DIPK1A: variants seen among roughly 807,000 people sequenced by gnomAD.
DIPK1A encodes the protein divergent protein kinase domain 1A, also known as family with sequence similarity 69 member A.
DIPK1A carries 27 observed loss-of-function variants against 40.8 expected under a neutral mutation model. That is an observed-to-expected ratio of 0.66 (90% CI 0.49 to 0.91). The LOEUF (loss-of-function observed/expected upper bound fraction) is 0.91, where lower values mean the gene tolerates loss of function less well. DIPK1A is among the 40% of genes least tolerant of loss of function. The pLI, the probability that DIPK1A is intolerant of heterozygous loss-of-function variation, is 0.00. For missense variants in DIPK1A, 412 were observed against 505.7 expected, an observed-to-expected ratio of 0.81 and a Z score of 1.78; for synonymous variants, 166 against 171.3, an observed-to-expected ratio of 0.97 and a Z score of 0.24.
downstream of DIPK1A, among the ~76,000 whole-genome samples, chr1:92,839,957 C>A (rs931896788): frequency 6.6e-6 from 1 of 151,570 alleles, no homozygotes; most frequent in African/African-American, 2.4e-5. Flanking sequence ...TCTCCCACCT[C>A]AGCCTCTCGA....
intron 2 of DIPK1A, among the ~76,000 whole-genome samples, chr1:92,875,666 A>G (rs2811596): frequency 0.71 from 106,915 of 149,690 alleles, 38,964 homozygotes; most frequent in East Asian, 0.95. Flanking sequence ...GTAGGCTGAG[A>G]TTGTACCACT....
chr1:92,937,399 C>T (rs1468977057), intron 1 of DIPK1A, among the ~76,000 whole-genome samples: 1 of 152,202 alleles, frequency 6.6e-6, no homozygotes, highest in Non-Finnish European at 1.5e-5. Context: ...TTCACAGATA[C>T]TGCATGATAT....
chr1:92,867,849 C>T (rs1647633697), intron 2 of DIPK1A, among the ~76,000 whole-genome samples: 1 of 152,146 alleles, frequency 6.6e-6, no homozygotes, highest in South Asian at 2.1e-4. Context: ...TCCTCCCTAA[C>T]TCCTAAGCAA....
chr1:92,842,203 A>T lies in DIPK1A; in HGVS notation c.*1180T>A. Reference sequence around the variant, plus strand: ...TCCATTTATTATAACCAGATGATGAATGGGAAAAGTACCTTAAAGTAAACA... The same window carrying T: ...TCCATTTATTATAACCAGATGATGATTGGGAAAAGTACCTTAAAGTAAACA... On this transcript the variant is annotated 3_prime_UTR_variant, in exon 5 of 5. Coordinates refer to ENST00000370310, the MANE Select transcript of DIPK1A (RefSeq NM_001006605.5). 1 of 1,007,486 alleles carries T rather than the reference A, an allele frequency of 9.9e-7. No homozygotes were observed. The highest frequency in any genetic ancestry group is 1.2e-6 in the Non-Finnish European group (1 of 843,868). 62.4% of individuals were successfully genotyped at this position (1,007,486 alleles called of 1,614,324 possible).
At chr1:92,898,256 C>G (rs1215991356) in intron 1 of DIPK1A, among the ~76,000 whole-genome samples, 1 of 152,054 alleles carries the variant, frequency 6.6e-6, no homozygotes, top group East Asian at 1.9e-4. Context: ...TGACAGGGAG[C>G]CAGCCTGTCA....
chr1:92,937,344 C>T (rs1002584662), intron 1 of DIPK1A, among the ~76,000 whole-genome samples: 4 of 152,116 alleles, frequency 2.6e-5, no homozygotes, highest in African/African-American at 9.7e-5. Context: ...CTTCCTAGCA[C>T]ATTAACTGGT....
At chr1:92,947,766 G>C (rs1651431253) in intron 1 of DIPK1A, among the ~76,000 whole-genome samples, 2 of 152,188 alleles carry the variant, frequency 1.3e-5, no homozygotes, top group Non-Finnish European at 2.9e-5. Context: ...TGAGCCTGCA[G>C]GACAGTATGT....
intron 1 of DIPK1A, among the ~76,000 whole-genome samples, chr1:92,919,625 A>G (rs1222142736): frequency 6.6e-6 from 1 of 152,212 alleles, no homozygotes; most frequent in Admixed American, 6.5e-5. Context: ...TACTCTGAGT[A>G]TACTATGCTA....
chr1:92,906,070 T>C (rs1347425605), intron 1 of DIPK1A, among the ~76,000 whole-genome samples: 1 of 152,206 alleles, frequency 6.6e-6, no homozygotes, highest in Non-Finnish European at 1.5e-5. Context: ...TCCTTTAGTT[T>C]TGTTCTTTTT....
intron 2 of DIPK1A, among the ~76,000 whole-genome samples, chr1:92,860,397 G>T (rs984046840): frequency 6.6e-6 from 1 of 152,006 alleles, no homozygotes; most frequent in Non-Finnish European, 1.5e-5. Context: ...ATTTCTAGTG[G>T]CCTGATGCTA....
chr1:92,961,225 G>C, intron 1 of DIPK1A, 151 bp downstream of exon 1: 1 of 363,024 alleles, frequency 2.8e-6, no homozygotes. Context: ...TGGGGAGGGC[G>C]CGCCGCCAGG....
intron 1 of DIPK1A, among the ~76,000 whole-genome samples, chr1:92,898,218 C>T (rs1649264515): frequency 6.6e-6 from 1 of 151,684 alleles, no homozygotes; most frequent in Non-Finnish European, 1.5e-5. Context: ...TGATGAGGGC[C>T]TTCAGCAACT....
At chr1:92,906,694 T>A (rs933087691) in intron 1 of DIPK1A, among the ~76,000 whole-genome samples, 3 of 151,942 alleles carry the variant, frequency 2.0e-5, no homozygotes. Context: ...AAAGGCACAG[T>A]ATGTGGGGCC....
At chr1:92,836,490 A>G (rs1687134067) in intron 4 of DIPK1A, 12 of 1,082,054 alleles carry the variant, frequency 1.1e-5, no homozygotes, top group South Asian at 9.0e-5. Flanking sequence ...GTAGCTATCA[A>G]TTGAATGCCT....
At chr1:92,876,568 T>G (rs1648138011) in intron 1 of DIPK1A, 138 bp from the exon 2 acceptor site, 2 of 882,026 alleles carry the variant, frequency 2.3e-6, no homozygotes, top group Non-Finnish European at 3.4e-6. Flanking sequence ...TAGAACAAAG[T>G]GCACTTTCAC....
At chr1:92,890,068 A>C (rs1236298061) in intron 1 of DIPK1A, among the ~76,000 whole-genome samples, 1 of 151,862 alleles carries the variant, frequency 6.6e-6, no homozygotes, top group Non-Finnish European at 1.5e-5. Flanking sequence ...TTATTTATTT[A>C]TTGTAGTTAT....
chr1:92,947,025 C>A lies in DIPK1A; in HGVS notation c.54+14351G>T, dbSNP rs188543550. Among the ~76,000 whole-genome samples, 456 of 151,300 alleles carry A rather than the reference C, an allele frequency of 3.0e-3. 4 individuals carry two copies. The highest frequency in any genetic ancestry group is 0.01 in the African/African-American group (424 of 41,240). ...CTCCAAATTTTTTTGATAATGCAAT[C>A]CTTTCAGGAAAATAGTAATAAGCAC... On this transcript the variant is annotated intron_variant, in intron 1 of 4. Transcript: ENST00000370310.
intron 1 of DIPK1A, among the ~76,000 whole-genome samples, chr1:92,924,262 A>C (rs1650390902): frequency 6.6e-6 from 1 of 152,016 alleles, no homozygotes; most frequent in South Asian, 2.1e-4. Context: ...ATATTCTACT[A>C]TATAAATAAT....
At chr1:92,903,892 CCAA>C (rs1438887897) in intron 1 of DIPK1A, among the ~76,000 whole-genome samples, 7 of 152,164 alleles carry the variant, frequency 4.6e-5, no homozygotes, top group Non-Finnish European at 7.3e-5. Flanking sequence ...ATGAACATCA[CCAA>C]CACCTATTTA....
Sources: gnomAD v4.1 joint callset for allele counts (sites outside exome capture counted in the v4.1 genomes callset) on GRCh38, gnomAD v4.1.1 for gene constraint, MANE v1.5 for transcripts, NCBI Gene and HGNC (gene_info 2026-07-23, HGNC 2026-07-21) for gene names.